CENPO: variants seen among roughly 807,000 people sequenced by gnomAD.
CENPO encodes centromeric protein O.
A neutral mutation model predicts 36.1 loss-of-function variants in CENPO; 30 were observed. The ratio of observed to expected loss-of-function variants is 0.83; its 90% CI spans 0.62 to 1.13. The LOEUF is 1.13. CENPO is among the 50% of genes most tolerant of loss of function. CENPO has a pLI of 0.00. For missense variants in CENPO, 349 were observed against 357.8 expected (o/e 0.98, Z 0.20); for synonymous variants, 171 against 142.3 (o/e 1.20, Z -1.44).
At position 24,817,820 on chromosome 2, in the gene CENPO, C is replaced by G. The variant is rs773515683; in HGVS notation, c.*14C>G. Reference sequence around the variant, plus strand: ...CTGGTCTCCTAATAGATTGTTTTCACTGCACTGGGAGCACATCAGAGGTAA... The same window carrying G: ...CTGGTCTCCTAATAGATTGTTTTCAGTGCACTGGGAGCACATCAGAGGTAA... On this transcript the variant is annotated 3_prime_UTR_variant, in exon 7 of 8. Transcript: ENST00000380834. The G allele has an allele frequency of 6.2e-7, 1 of 1,614,034 alleles. No individual in the cohort carries two copies. Among genetic ancestry groups the G allele is most frequent in the Admixed American group, 1.7e-5 (1 of 60,028 alleles).
chr2:24,813,016 C>T (rs184868562), intron 3 of CENPO, among the ~76,000 whole-genome samples: 119 of 149,612 alleles, frequency 8.0e-4, no homozygotes, highest in African/African-American at 2.8e-3. Context: ...GAGGCCAAGG[C>T]GGGTGGATCA....
At chr2:24,799,061 G>A (rs62140564) in intron 2 of CENPO, among the ~76,000 whole-genome samples, 1 of 48,960 alleles carries the variant, frequency 2.0e-5, no homozygotes, top group Non-Finnish European at 6.3e-5. Flanking sequence ...ATGGAGTGCA[G>A]TGATCTTGGC....
At position 24,820,923 on chromosome 2, in the gene CENPO, C is replaced by T. The variant is rs1667552454; in HGVS notation, c.*1605C>T. 1.9e-6 allele frequency: 3 copies of T among 1,567,438 alleles called. No individual in the cohort carries two copies. Among genetic ancestry groups the T allele is most frequent in the African/African-American group, 1.4e-5 (1 of 73,740 alleles). ...TGGGCCTCAGAAGCCATCTCCTCTC[C>T]AGACCTGTACCACAAAGCTCCTAAT... On this transcript the variant is annotated 3_prime_UTR_variant, in exon 8 of 8. Coordinates refer to ENST00000380834, the MANE Select transcript of CENPO (RefSeq NM_001322101.2).
intron 3 of CENPO, among the ~76,000 whole-genome samples, chr2:24,804,094 T>C (rs544386422): frequency 6.6e-6 from 1 of 152,380 alleles, no homozygotes; most frequent in African/African-American, 2.4e-5. Flanking sequence ...TGGTCTTCTT[T>C]GTCTCTTTTG....
rs755182774 is a variant in CENPO, at chr2:24,820,853, G to T, written c.*1535G>T. 1.2e-6 allele frequency: 2 copies of T among 1,613,674 alleles called. No homozygotes were observed. The highest frequency in any genetic ancestry group is 8.5e-7 in the Non-Finnish European group (1 of 1,179,778). ...GAACCCCGCCTTTGTTCATGCCTAG[G>T]GTAGAGGCATAAAGTTCAGCACAGC... On this transcript the variant is annotated 3_prime_UTR_variant, in exon 8 of 8. Coordinates refer to ENST00000380834, the MANE Select transcript of CENPO (RefSeq NM_001322101.2).
At chr2:24,810,884 A>G (rs1240382987) in intron 3 of CENPO, among the ~76,000 whole-genome samples, 3 of 152,122 alleles carry the variant, frequency 2.0e-5, no homozygotes, top group African/African-American at 7.2e-5. Context: ...TCTTGTAAAT[A>G]GCATAGAGCT....
At chr2:24,796,732 C>A (rs1034009940) in intron 2 of CENPO, among the ~76,000 whole-genome samples, 2 of 152,164 alleles carry the variant, frequency 1.3e-5, no homozygotes, top group African/African-American at 4.8e-5. Flanking sequence ...TGACCTTGTT[C>A]TGAAGGTGCT....
chr2:24,821,902 A>T lies in CENPO; in HGVS notation c.*2584A>T. On this transcript the variant is annotated 3_prime_UTR_variant, in exon 8 of 8. Transcript: ENST00000380834. The stretch of plus-strand genomic sequence containing the variant: ...GTCTGACCACGAGGCGGACCCCTTC[A>T]CCTTGGCTGGGCCTGGTCCTGGTCC... 1 of 418,996 alleles carries T rather than the reference A, an allele frequency of 2.4e-6. No individual in the cohort carries two copies. Among genetic ancestry groups the T allele is most frequent in the Non-Finnish European group, 4.3e-6 (1 of 232,860 alleles). The allele number at this position is 418,996 out of a possible 1,614,324, so 26.0% of individuals were successfully genotyped here.
In CENPO at chr2:24,817,778, A is replaced by G. The variant is rs771832414; in HGVS notation, c.875A>G (p.Glu292Gly). The stretch of plus-strand genomic sequence containing the variant: ...TTTGCCTCATTTACAAGAAAAGGAG[A>G]AAAGTTGGATATGAGTCTGGTCTCC... ...QVFASFTRKG[E>G]KLDMSLVS The change falls in exon 7 of 8, where the codon GAA becomes GGA. Residue 292 changes from glutamate (E) to glycine (G), a missense_variant. Physicochemically the swap from Glu to Gly is moderately conservative, Grantham distance 98. Coordinates refer to ENST00000380834, the MANE Select transcript of CENPO (RefSeq NM_001322101.2). The G allele has an allele frequency of 1.2e-6, 2 of 1,614,146 alleles. No individual in the cohort carries two copies. The highest frequency in any genetic ancestry group is 1.7e-6 in the Non-Finnish European group (2 of 1,180,034).
At chr2:24,818,800 C>T (rs1032754550) in intron 7 of CENPO, among the ~76,000 whole-genome samples, 1 of 152,228 alleles carries the variant, frequency 6.6e-6, no homozygotes, top group African/African-American at 2.4e-5. Context: ...GTGGGTCACT[C>T]ACAGATATGA....
intron 3 of CENPO, among the ~76,000 whole-genome samples, chr2:24,804,320 A>G (rs1329080542): frequency 3.3e-5 from 5 of 151,984 alleles, no homozygotes; most frequent in Admixed American, 6.6e-5. Flanking sequence ...CATTTAGTCT[A>G]TTTACATTTA....
At chr2:24,815,283 G>GT (rs1666887793) in intron 4 of CENPO, among the ~76,000 whole-genome samples, 2 of 151,470 alleles carry the variant, frequency 1.3e-5, no homozygotes, top group African/African-American at 4.8e-5. Context: ...CATTTAGGTT[G>GT]TTTTTTCATT....
rs780755524 is a variant in CENPO, at chr2:24,817,656, A to C, written c.767-14A>C. On this transcript the variant is annotated splice_polypyrimidine_tract_variant and intron_variant, in intron 6 of 7. Transcript: ENST00000380834. ...AGCTGCACTGAATGAGATTGATGGA[A>C]TCTTTCTTTTTAGGAGTGGAAGTAT... 1 of 1,614,034 alleles carries C rather than the reference A, an allele frequency of 6.2e-7. No individual in the cohort carries two copies. Among genetic ancestry groups the C allele is most frequent in the South Asian group, 1.1e-5 (1 of 91,068 alleles).
rs921486171 is a variant in CENPO at position 24,820,122 on chromosome 2, G to A, written c.*804G>A. On this transcript the variant is annotated 3_prime_UTR_variant, in exon 8 of 8. Coordinates refer to ENST00000380834, the MANE Select transcript of CENPO (RefSeq NM_001322101.2). ...TTGGGTTTCTTCTACCACCTGGAGAGGGAGGGGGAGCAAGAACGTGGCGTT... is the reference window on the plus strand; with the variant it reads ...TTGGGTTTCTTCTACCACCTGGAGAAGGAGGGGGAGCAAGAACGTGGCGTT... 2.0e-6 allele frequency: 3 copies of A among 1,533,754 alleles called. No homozygotes were observed. Among genetic ancestry groups the A allele is most frequent in the Admixed American group, 2.1e-5 (1 of 48,444 alleles).
intron 3 of CENPO, among the ~76,000 whole-genome samples, chr2:24,803,586 A>C (rs1418721567): frequency 1.3e-5 from 2 of 151,738 alleles, no homozygotes; most frequent in Admixed American, 6.6e-5. Context: ...TTCGTTATGT[A>C]CCCAGTAGTC....
chr2:24,804,879 C>G (rs1666316493), intron 3 of CENPO, among the ~76,000 whole-genome samples: 1 of 152,162 alleles, frequency 6.6e-6, no homozygotes, highest in Non-Finnish European at 1.5e-5. Context: ...GCCTGCCTTG[C>G]TAGTTTGGGG....
chr2:24,810,768 A>T (rs181090902), intron 3 of CENPO, among the ~76,000 whole-genome samples: 1 of 152,002 alleles, frequency 6.6e-6, no homozygotes, highest in African/African-American at 2.4e-5. Flanking sequence ...TCGGCCTCCC[A>T]CAGTGCTGGG....
chr2:24,813,549 C>A, intron 3 of CENPO, among the ~76,000 whole-genome samples: 1 of 152,172 alleles, frequency 6.6e-6, no homozygotes, highest in Non-Finnish European at 1.5e-5. Context: ...AGCTTCTTTC[C>A]GTTTGGTTTC....
chr2:24,818,706 C>G (rs1667088608), intron 7 of CENPO, among the ~76,000 whole-genome samples: 2 of 152,244 alleles, frequency 1.3e-5, no homozygotes, highest in Non-Finnish European at 2.9e-5. Context: ...CGGGTCTTCC[C>G]TCTCCTGCAG....
Sources: allele counts gnomAD v4.1 joint callset (sites outside exome capture counted in the v4.1 genomes callset), GRCh38; gene constraint gnomAD v4.1.1; transcripts MANE v1.5; gene names NCBI Gene and HGNC (gene_info 2026-07-23, HGNC 2026-07-21).